Variants in KANK4 observed in about 807,000 individuals in gnomAD.
KANK4 encodes KN motif and ankyrin repeat domains 4.
In KANK4, 50 loss-of-function variants were observed where a neutral mutation model predicts 80.8. The ratio of observed to expected loss-of-function variants is 0.62; its 90% CI spans 0.49 to 0.78. The LOEUF (loss-of-function observed/expected upper bound fraction) is 0.78, where lower values mean the gene tolerates loss of function less well. KANK4 is among the 30% of genes least tolerant of loss of function. KANK4 has a pLI of 0.00. For synonymous variants in KANK4, 465 were observed against 506.9 expected (o/e 0.92, Z 1.11); for missense variants, 1,196 against 1,240.1 (o/e 0.96, Z 0.53).
chr1:62,299,985 G>A (rs1429643497), intron 1 of KANK4, among the ~76,000 whole-genome samples: 1 of 152,066 alleles, frequency 6.6e-6, no homozygotes, highest in Admixed American at 6.5e-5. Flanking sequence ...CAGCCTGTCC[G>A]ACATACTTAC....
Position 62,268,306 on chromosome 1 carries a change from G to A in KANK4, c.2212C>T (p.Pro738Ser). 6.2e-7 allele frequency: 1 copy of A among 1,613,614 alleles called. No individual in the cohort carries two copies. The highest frequency in any genetic ancestry group is 8.5e-7 in the Non-Finnish European group (1 of 1,179,924). Residue 738 changes from proline (P) to serine (S), a missense_variant, in exon 5 of 10, where the codon CCC becomes TCC. This residue lies in a region of KANK4 where 1,154 missense variants were observed against 1,179.6 expected (regional missense o/e 0.98). Transcript: ENST00000371153. ...AQESGPGEEV[P>S]HSKAERYKPS... Reference sequence around the variant, plus strand: ...GCTCACCTCTCGGCCTTGGAGTGGGGGACTTCTTCCCCAGGCCCACTTTCC... The same window carrying A: ...GCTCACCTCTCGGCCTTGGAGTGGGAGACTTCTTCCCCAGGCCCACTTTCC...
intron 3 of KANK4, 92 bp from the exon 4 acceptor site, chr1:62,271,681 G>T: frequency 2.1e-6 from 2 of 935,226 alleles, no homozygotes; most frequent in Non-Finnish European, 1.7e-6. Context: ...GACAAGGGTT[G>T]CAGGTGTGTG....
intron 1 of KANK4, among the ~76,000 whole-genome samples, chr1:62,287,525 C>T (rs1672595947): frequency 6.6e-6 from 1 of 152,220 alleles, no homozygotes; most frequent in Admixed American, 6.5e-5. Flanking sequence ...GAGCCTGGTA[C>T]ACTTGCAAAG....
intron 4 of KANK4, 71 bp from the exon 5 acceptor site, chr1:62,268,576 T>A (rs1338197661): frequency 3.1e-6 from 4 of 1,284,770 alleles, no homozygotes; most frequent in African/African-American, 1.5e-5. Context: ...CAGTGAGAGC[T>A]GGGTGGGCCT....
At chr1:62,316,276 G>A (rs1557515116) in intron 1 of KANK4, among the ~76,000 whole-genome samples, 2 of 152,240 alleles carry the variant, frequency 1.3e-5, no homozygotes. Context: ...ACAGGCCAGG[G>A]AGAGGGCCCA....
chr1:62,271,529 G>A lies in KANK4; in HGVS notation c.1961C>T (p.Ala654Val), dbSNP rs1451001933. 2.5e-6 allele frequency: 4 copies of A among 1,614,002 alleles called. No individual in the cohort carries two copies. In the East Asian group the frequency reaches 8.9e-5, roughly 36 times the overall value. Reference protein sequence around the residue: ...IMKKKDYGFRAGGNGTKKNLQ... With the variant: ...IMKKKDYGFRVGGNGTKKNLQ... The stretch of plus-strand genomic sequence containing the variant: ...GTTCTTTTTGGTCCCATTACCTCCT[G>A]CACGGAAGCCATAGTCTTTCTTTTT... Residue 654 changes from alanine to valine, a missense_variant, in exon 4 of 10, where the codon GCA becomes GTA. By Grantham distance (64) the Ala-to-Val change is moderately conservative. Coordinates refer to ENST00000371153, the MANE Select transcript of KANK4 (RefSeq NM_181712.5).
chr1:62,274,216 A>G lies in KANK4; in HGVS notation c.888T>C (p.Asn296=). Residue 296 remains asparagine (N), a synonymous_variant, in exon 3 of 10, where the codon AAT becomes AAC. Transcript: ENST00000371153. ...GCTCGATTTCTTCCAGGAGGAGCTC[A>G]TTCTCAGGGATGGGTGATGGCAGAG... ...PPPLPSPIPE[N]ELLLEEIELN... 6.2e-7 allele frequency: 1 copy of G among 1,614,146 alleles called. No homozygotes were observed. The highest frequency in any genetic ancestry group is 8.5e-7 in the Non-Finnish European group (1 of 1,180,006).
At chr1:62,259,381 A>G (rs1160704090) in intron 7 of KANK4, among the ~76,000 whole-genome samples, 1 of 151,818 alleles carries the variant, frequency 6.6e-6, no homozygotes, top group South Asian at 2.1e-4. Context: ...GGTTCAAGAG[A>G]TCCTCCCACC....
chr1:62,254,323 T>C (rs1671697845), intron 7 of KANK4, among the ~76,000 whole-genome samples: 1 of 152,188 alleles, frequency 6.6e-6, no homozygotes, highest in South Asian at 2.1e-4. Flanking sequence ...CTCAGCTCAC[T>C]GCAACTTCTG....
At chr1:62,294,976 GT>G (rs1644349070) in intron 1 of KANK4, among the ~76,000 whole-genome samples, 1 of 152,188 alleles carries the variant, frequency 6.6e-6, no homozygotes, top group Admixed American at 6.5e-5. Context: ...CCTGGGTTTT[GT>G]TTTGCTTTAA....
At position 62,313,904 on chromosome 1, in the gene KANK4, C is replaced by T. The variant is rs939569386; in HGVS notation, c.-71+5202G>A. ...TTTAAATTTAAACATTGATAAAATG[C>T]CCTCCCCATTCATACTCAACGTCGT... On this transcript the variant is annotated intron_variant, in intron 1 of 9. Transcript: ENST00000371153. 3.8e-4 allele frequency among the ~76,000 whole-genome samples: 57 copies of T among 151,986 alleles called. 1 individual carries two copies. Among genetic ancestry groups the T allele is most frequent in the Non-Finnish European group, 2.8e-4 (19 of 67,978 alleles).
intron 1 of KANK4, among the ~76,000 whole-genome samples, chr1:62,317,154 G>GAAGGCAGGT (rs1644548795): frequency 6.6e-6 from 1 of 152,174 alleles, no homozygotes; most frequent in Admixed American, 6.5e-5. Flanking sequence ...GTGAGGCTGG[G>GAAGGCAGGT]AAGGCAGGTA....
intron 1 of KANK4, among the ~76,000 whole-genome samples, chr1:62,317,620 T>C (rs1024621897): frequency 1.3e-5 from 2 of 152,246 alleles, no homozygotes; most frequent in Admixed American, 1.3e-4. Flanking sequence ...CTACTCACCT[T>C]AGGCCCTCTC....
rs536330187 is a variant in KANK4, at chr1:62,263,150, G to A, written c.2481C>T (p.Ala827=). The A allele has an allele frequency of 1.2e-6, 2 of 1,613,910 alleles. No individual in the cohort carries two copies. The highest frequency in any genetic ancestry group is 1.3e-5 in the African/African-American group (1 of 75,018). The change falls in exon 7 of 10, where the codon GCC becomes GCT. Residue 827 remains alanine (A), a synonymous_variant. Coordinates refer to ENST00000371153, the MANE Select transcript of KANK4 (RefSeq NM_181712.5). ...TGGAGTGGGACACGCTGTAGTGAAG[G>A]GCCGTGTTCCCGTTGTGATCGGCCA... ...VNLADHNGNT[A]LHYSVSHSNF...
chr1:62,308,953 G>A lies in KANK4; in HGVS notation c.-71+10153C>T, dbSNP rs112106911. ...TCCTCCATCTCCTCCCTTAGGGACC[G>A]TCCCAGAACCTCCCTTGGGGCTCCC... is the stretch of plus-strand genomic sequence containing the variant. On this transcript the variant is annotated intron_variant, in intron 1 of 9. Coordinates refer to ENST00000371153, the MANE Select transcript of KANK4 (RefSeq NM_181712.5). Among the ~76,000 whole-genome samples the A allele has an allele frequency of 6.0e-4, 92 of 152,220 alleles. 1 individual carries two copies. Among genetic ancestry groups the A allele is most frequent in the African/African-American group, 1.3e-3 (56 of 41,538 alleles).
rs1203830116 is a variant in KANK4, at chr1:62,274,521, C to A, written c.583G>T (p.Gly195Cys). 6 of 1,614,046 alleles carry A rather than the reference C, an allele frequency of 3.7e-6. No homozygotes were observed. The highest frequency in any genetic ancestry group is 4.2e-6 in the Non-Finnish European group (5 of 1,180,022). ...PAPPALPPLQ[G>C]EGSVCDGTFE... ...GTGCCATCACAGACACTGCCTTCACCCTGAAGGGGAGGGAGGGCAGGAGGG... is the reference window on the plus strand; with the variant it reads ...GTGCCATCACAGACACTGCCTTCACACTGAAGGGGAGGGAGGGCAGGAGGG... Residue 195 changes from glycine (G) to cysteine (C), a missense_variant, in exon 3 of 10, where the codon GGT (glycine) becomes TGT (cysteine). Gly to Cys is a radical substitution (Grantham distance 159). Transcript: ENST00000371153.
chr1:62,312,744 T>A (rs555582068), intron 1 of KANK4, among the ~76,000 whole-genome samples: 2 of 152,338 alleles, frequency 1.3e-5, no homozygotes, highest in Non-Finnish European at 2.9e-5. Flanking sequence ...AGCTCAGACA[T>A]CAGGATGCTC....
intron 1 of KANK4, among the ~76,000 whole-genome samples, chr1:62,285,341 C>T (rs553729846): frequency 4.6e-5 from 7 of 152,190 alleles, no homozygotes; most frequent in Non-Finnish European, 1.0e-4. Flanking sequence ...CCAGCTGGGT[C>T]CACCCTCAGT....
chr1:62,253,275 C>A, intron 7 of KANK4, 66 bp from the exon 8 acceptor site: 2 of 1,487,146 alleles, frequency 1.3e-6, no homozygotes, highest in South Asian at 1.3e-5. Context: ...CCACTTTAGC[C>A]GTTTCAATGG....
Sources: gnomAD v4.1 joint callset for allele counts (sites outside exome capture counted in the v4.1 genomes callset) on GRCh38, gnomAD v4.1.1 for gene constraint, gnomAD v4.1.1 regional missense constraint, MANE v1.5 for transcripts, NCBI Gene and HGNC (gene_info 2026-07-23, HGNC 2026-07-21) for gene names.